SMARCD3: variants seen among roughly 807,000 people sequenced by gnomAD.
The protein encoded by SMARCD3 is SWI/SNF related BAF chromatin remodeling complex subunit D3.
In SMARCD3, 14 loss-of-function variants were observed where a neutral mutation model predicts 58.0. The observed-to-expected ratio is 0.24, with a 90% CI of 0.16 to 0.38. The LOEUF (loss-of-function observed/expected upper bound fraction) is 0.38. SMARCD3 is among the 10% of genes least tolerant of loss of function. The probability of loss-of-function intolerance (pLI) is 1.00; values close to 1 mark genes in which losing one functional copy is unlikely to be tolerated. For missense variants in SMARCD3, 408 were observed against 636.9 expected (o/e 0.64, Z 3.87); for synonymous variants, 253 against 253.8 (o/e 1.00, Z 0.03).
chr7:151,262,001 C>T (rs1187113885), intron 2 of SMARCD3, among the ~76,000 whole-genome samples: 1 of 152,072 alleles, frequency 6.6e-6, no homozygotes, highest in African/African-American at 2.4e-5. Context: ...TGTGGCCCCG[C>T]AACTGAGCTG....
intron 2 of SMARCD3, among the ~76,000 whole-genome samples, chr7:151,272,043 T>C (rs2150618034): frequency 6.6e-6 from 1 of 152,336 alleles, no homozygotes; most frequent in South Asian, 2.1e-4. Flanking sequence ...TTAAGCAATA[T>C]TACCAGTAGG....
At chr7:151,259,393 C>CTG (rs758652327) in intron 2 of SMARCD3, among the ~76,000 whole-genome samples, 17,887 of 135,838 alleles carry the variant, frequency 0.13, 1,297 homozygotes, top group South Asian at 0.18. Flanking sequence ...AAGGTAGGGG[C>CTG]TGTGTGTGTG....
rs1803087611 is a variant in SMARCD3 at position 151,243,247 on chromosome 7, C to T, written c.334-404G>A. On this transcript the variant is annotated intron_variant, in intron 3 of 12. Coordinates refer to ENST00000262188, the MANE Select transcript of SMARCD3 (RefSeq NM_001003801.2). This position sits in a 1 kb window ranked among gnomAD's most constrained non-coding sequence, Gnocchi z 4.4. ...GACAGTTGGACAGCGGTGCTTTCTT[C>T]TCTGCTGGCACCTTGCTCAGCCCCC... 6.6e-6 allele frequency among the ~76,000 whole-genome samples: 1 copy of T among 152,190 alleles called. No individual in the cohort carries two copies. The highest frequency in any genetic ancestry group is 2.4e-5 in the African/African-American group (1 of 41,446).
intron 2 of SMARCD3, among the ~76,000 whole-genome samples, chr7:151,260,692 G>A (rs1251848229): frequency 6.6e-6 from 1 of 152,074 alleles, no homozygotes; most frequent in Non-Finnish European, 1.5e-5. Flanking sequence ...GCCAAGCGGT[G>A]CCCTCGGACA....
Position 151,242,838 on chromosome 7 carries a change from C to T in SMARCD3, c.339G>A (p.Arg113=), listed in dbSNP as rs1241265240. 1 of 1,613,990 alleles carries T rather than the reference C, an allele frequency of 6.2e-7. No individual in the cohort carries two copies. Among genetic ancestry groups the T allele is most frequent in the Non-Finnish European group, 8.5e-7 (1 of 1,179,998 alleles). ...AAGCCTGGGACTCGGGGACCAGCTCCCGAATCTGGAGAAGGAGGAGCAGGG... is the reference window on the plus strand; with the variant it reads ...AAGCCTGGGACTCGGGGACCAGCTCTCGAATCTGGAGAAGGAGGAGCAGGG... ...MADKILPQRI[R]ELVPESQAYM... is the part of the protein sequence containing the mutation. The change falls in exon 4 of 13, where the codon CGG becomes CGA. Residue 113 remains arginine, a synonymous_variant. Transcript: ENST00000262188. The surrounding 1 kb of genome is among the most constrained non-coding windows in gnomAD (Gnocchi z 4.7).
In SMARCD3 at chr7:151,239,458, G is replaced by A. The variant is rs1183209411; in HGVS notation, c.1336C>T (p.Arg446Trp). The A allele has an allele frequency of 1.9e-6, 3 of 1,613,686 alleles. No individual in the cohort carries two copies. Among genetic ancestry groups the A allele is most frequent in the Admixed American group, 1.7e-5 (1 of 60,004 alleles). Residue 446 changes from arginine (R) to tryptophan (W), a missense_variant, in exon 12 of 13, where the codon CGG becomes TGG. Arg to Trp is a moderately radical substitution (Grantham distance 101, BLOSUM62 -3). Transcript: ENST00000262188. The surrounding 1 kb of genome is among the most constrained non-coding windows in gnomAD (Gnocchi z 7.0). ...DVAGNPEEER[R>W]AEFYHQPWSQ... ...CAGGGCTGGTGGTAGAACTCAGCCC[G>A]GCGCTCCTCTTCAGGGTTGCCGGCT...
chr7:151,272,583 G>T (rs1330479144), intron 2 of SMARCD3, among the ~76,000 whole-genome samples: 1 of 152,104 alleles, frequency 6.6e-6, no homozygotes, highest in African/African-American at 2.4e-5. Flanking sequence ...TGTGTGGGGC[G>T]CACGCTCATG....
In SMARCD3 at chr7:151,241,711, G is replaced by A. The variant is rs1393053913; in HGVS notation, c.778-58C>T. 2 of 1,528,058 alleles carry A rather than the reference G, an allele frequency of 1.3e-6. No homozygotes were observed. Among genetic ancestry groups the A allele is most frequent in the Non-Finnish European group, 9.0e-7 (1 of 1,114,868 alleles). The allele number at this position is 1,528,058 out of a possible 1,614,324, so 94.7% of individuals were successfully genotyped here. ...AGGGAGAGAAAGGAAGGAGCCCAGGGCCAGGCCATTCAGGACTAGGGGGAT... is the reference window on the plus strand; with the variant it reads ...AGGGAGAGAAAGGAAGGAGCCCAGGACCAGGCCATTCAGGACTAGGGGGAT... On this transcript the variant is annotated intron_variant, in intron 7 of 12. Transcript: ENST00000262188. This position sits in a 1 kb window ranked among gnomAD's most constrained non-coding sequence, Gnocchi z 5.3.
chr7:151,248,647 C>T lies in SMARCD3; in HGVS notation c.-85G>A, dbSNP rs965454410. 1.3e-6 allele frequency: 2 copies of T among 1,587,192 alleles called. No homozygotes were observed. The highest frequency in any genetic ancestry group is 2.7e-5 in the African/African-American group (2 of 73,744). On this transcript the variant is annotated 5_prime_UTR_variant, in exon 1 of 13. Transcript: ENST00000262188. This position sits in a 1 kb window ranked among gnomAD's most constrained non-coding sequence, Gnocchi z 6.1. ...CTGCCTTTTTTTTTCCTCCAACTCT[C>T]CCCTCTGAGTCCTGCTGGGCTCTCT...
At chr7:151,250,619 G>A (rs138323084), upstream of SMARCD3, among the ~76,000 whole-genome samples, 22 of 151,668 alleles carry the variant, frequency 1.5e-4, no homozygotes, top group East Asian at 3.5e-3. Flanking sequence ...GCCTTCCTTC[G>A]TCCTACTTGT....
chr7:151,244,117 A>G (rs1429195396), intron 2 of SMARCD3, among the ~76,000 whole-genome samples: 1 of 152,202 alleles, frequency 6.6e-6, no homozygotes, highest in East Asian at 1.9e-4. Context: ...AAAGGGGCCT[A>G]AGCTCAGAGG....
chr7:151,273,120 C>T (rs768213529), intron 2 of SMARCD3, among the ~76,000 whole-genome samples: 12 of 152,366 alleles, frequency 7.9e-5, no homozygotes, highest in Non-Finnish European at 1.6e-4. Context: ...CAACGCACAC[C>T]GCCGATTGCA....
In SMARCD3 at chr7:151,241,491, C is replaced by A; in HGVS notation, c.939+1G>T. ...ATCCCAGGGTTCAGGAGAGAGGTTA[C>A]CTGCTGGAAATACTTGTCCCCATTG... is the stretch of plus-strand genomic sequence containing the variant. On this transcript the variant is annotated splice_donor_variant, in intron 8 of 12. Transcript: ENST00000262188. LOFTEE classifies it high-confidence loss of function. This position sits in a 1 kb window ranked among gnomAD's most constrained non-coding sequence, Gnocchi z 5.3. 1 of 1,611,284 alleles carries A rather than the reference C, an allele frequency of 6.2e-7. No individual in the cohort carries two copies. Among genetic ancestry groups the A allele is most frequent in the Non-Finnish European group, 8.5e-7 (1 of 1,178,846 alleles).
intron 2 of SMARCD3, chr7:151,275,059 C>T (rs964289669): frequency 1.2e-4 from 182 of 1,511,934 alleles, no homozygotes; most frequent in Non-Finnish European, 1.6e-4. Context: ...CTGGCCGACT[C>T]GCCATGGGGC....
At chr7:151,263,011 T>G (rs937933291) in intron 2 of SMARCD3, among the ~76,000 whole-genome samples, 1 of 152,206 alleles carries the variant, frequency 6.6e-6, no homozygotes, top group African/African-American at 2.4e-5. Context: ...AGCCACTGTT[T>G]GTTCTGAGCT....
intron 2 of SMARCD3, among the ~76,000 whole-genome samples, chr7:151,264,601 C>T (rs777537309): frequency 1.3e-5 from 2 of 152,170 alleles, no homozygotes; most frequent in Non-Finnish European, 2.9e-5. Flanking sequence ...AGGCAATCAC[C>T]CCCTGAAGAC....
At chr7:151,253,025 C>T (rs1021245457), upstream of SMARCD3, among the ~76,000 whole-genome samples, 3 of 152,224 alleles carry the variant, frequency 2.0e-5, no homozygotes, top group Non-Finnish European at 2.9e-5. Context: ...ACCTCCCTGT[C>T]CCTCAGTGTC....
intron 2 of SMARCD3, among the ~76,000 whole-genome samples, chr7:151,273,450 C>T (rs1347903791): frequency 6.6e-6 from 1 of 152,200 alleles, no homozygotes; most frequent in Non-Finnish European, 1.5e-5. Context: ...TCAGGTGCAC[C>T]CCTCCAGGAA....
intron 2 of SMARCD3, among the ~76,000 whole-genome samples, chr7:151,271,684 G>A (rs1405807418): frequency 6.6e-6 from 1 of 152,004 alleles, no homozygotes; most frequent in Admixed American, 6.6e-5. Flanking sequence ...GGCCAGGCTC[G>A]ATGGCTCATG....
Sources: gnomAD v4.1 joint callset for allele counts (sites outside exome capture counted in the v4.1 genomes callset) on GRCh38, gnomAD v4.1.1 for gene constraint, Gnocchi (gnomAD v3.1) non-coding constraint, MANE v1.5 for transcripts, NCBI Gene and HGNC (gene_info 2026-07-23, HGNC 2026-07-21) for gene names.